The following TMC5 variants were observed in gnomAD, a reference collection of about 807,000 sequenced individuals.
TMC5 encodes the protein transmembrane channel-like protein 5.
Under a neutral mutation model 110.5 loss-of-function variants are expected in TMC5, and 86 were observed. That is an observed-to-expected ratio of 0.78 (90% confidence interval 0.65 to 0.93). The LOEUF (loss-of-function observed/expected upper bound fraction) is 0.93, where lower values mean the gene tolerates loss of function less well. Ranked by LOEUF, TMC5 falls within the 40% of genes least tolerant of loss-of-function variation. The pLI is 0.00. For missense variants in TMC5, 1,144 were observed against 1,222.8 expected (o/e 0.94, Z 0.96); for synonymous variants, 455 against 439.5 (o/e 1.04, Z -0.44).
intron 5 of TMC5, among the ~76,000 whole-genome samples, chr16:19,459,917 CAAAAAAAAAA>C (rs34853313): frequency 1.3e-4 from 12 of 95,678 alleles, no homozygotes; most frequent in South Asian, 4.0e-4. Flanking sequence ...GATCCTGTCT[CAAAAAAAAAA>C]AAAAAAAAAA....
In TMC5 at chr16:19,449,399, C is replaced by T; in HGVS notation, c.959-143C>T. ...CCTAGTTTCCACCCAAGTTCTTAAT[C>T]AGTAGTCTGTTAGAACCTCAAAGAC... On this transcript the variant is annotated intron_variant, in intron 4 of 21. Transcript: ENST00000542583. 6.0e-6 allele frequency: 4 copies of T among 670,428 alleles called. No homozygotes were observed. In the South Asian group the frequency reaches 7.9e-5, roughly 13 times the overall value. 41.5% of individuals were successfully genotyped at this position (670,428 alleles called of 1,614,324 possible).
intron 12 of TMC5, among the ~76,000 whole-genome samples, chr16:19,474,598 T>C (rs368433186): frequency 6.6e-6 from 1 of 152,070 alleles, no homozygotes; most frequent in South Asian, 2.1e-4. Context: ...GATCACTTGA[T>C]CCCAGGAGTT....
intron 5 of TMC5, among the ~76,000 whole-genome samples, chr16:19,457,565 C>G (rs763323610): frequency 2.6e-5 from 4 of 151,898 alleles, no homozygotes; most frequent in Non-Finnish European, 4.4e-5. Context: ...TGTTATCCAT[C>G]GAATTTTTAT....
At chr16:19,464,178 T>C (rs1190392104) in intron 8 of TMC5, among the ~76,000 whole-genome samples, 154 bp downstream of exon 8, 3 of 152,154 alleles carry the variant, frequency 2.0e-5, no homozygotes, top group East Asian at 3.9e-4. Flanking sequence ...CTGAGTGTGG[T>C]GACTCATGCC....
intron 15 of TMC5, among the ~76,000 whole-genome samples, chr16:19,484,344 G>A (rs1008304635): frequency 6.6e-6 from 1 of 152,156 alleles, no homozygotes; most frequent in Admixed American, 6.6e-5. Context: ...TGGCAATTTG[G>A]CAGTTTACAA....
chr16:19,445,149 A>G (rs1326517725), intron 4 of TMC5, among the ~76,000 whole-genome samples: 3 of 152,156 alleles, frequency 2.0e-5, no homozygotes, highest in Non-Finnish European at 4.4e-5. Flanking sequence ...AAAAAAGACT[A>G]AAGAAAGTTA....
rs144705987 is a variant in TMC5, at chr16:19,494,116, C to T, written c.2827-146C>T. ...ACTGTGAAATGTTTCTTTTCTTTCA[C>T]CAAAAGATGGCAGTAACCTCCATCC... On this transcript the variant is annotated intron_variant, in intron 19 of 21. Transcript: ENST00000542583. 5.6e-5 allele frequency: 36 copies of T among 646,428 alleles called. 1 individual carries two copies. Among genetic ancestry groups the T allele is most frequent in the African/African-American group, 5.4e-4 (30 of 55,078 alleles). The allele number at this position is 646,428 out of a possible 1,614,324, so 40.0% of individuals were successfully genotyped here.
At chr16:19,477,841 A>C (rs1204963498) in intron 13 of TMC5, among the ~76,000 whole-genome samples, 1 of 152,220 alleles carries the variant, frequency 6.6e-6, no homozygotes, top group Non-Finnish European at 1.5e-5. Flanking sequence ...AGTGCCCAGC[A>C]TATGCAATAG....
At chr16:19,458,871 T>C (rs1487312222) in intron 5 of TMC5, among the ~76,000 whole-genome samples, 1 of 152,180 alleles carries the variant, frequency 6.6e-6, no homozygotes, top group South Asian at 2.1e-4. Flanking sequence ...ATTCTAACCC[T>C]GTGCTGTGAC....
chr16:19,482,921 T>C (rs1968652910), intron 15 of TMC5, among the ~76,000 whole-genome samples: 1 of 152,132 alleles, frequency 6.6e-6, no homozygotes, highest in Non-Finnish European at 1.5e-5. Flanking sequence ...GCTCTGTTGC[T>C]GAGGCTGAAG....
chr16:19,435,692 C>T (rs1017127211), intron 2 of TMC5, among the ~76,000 whole-genome samples: 1 of 152,132 alleles, frequency 6.6e-6, no homozygotes, highest in Non-Finnish European at 1.5e-5. Flanking sequence ...CACCTCTTTC[C>T]TTCCTCAAGG....
rs58561457 is a variant in TMC5, at chr16:19,492,915, G to GATAGATAGATATATATATATATATAT, written c.2826+690_2826+691insGATAGATATATATATATATATATATA. 1.4e-4 allele frequency among the ~76,000 whole-genome samples: 6 copies of GATAGATAGATATATATATATATATAT among 42,752 alleles called. 1 individual carries two copies. Among genetic ancestry groups the GATAGATAGATATATATATATATATAT allele is most frequent in the African/African-American group, 3.2e-4 (6 of 18,604 alleles). 28.0% of individuals were successfully genotyped at this position (42,752 alleles called of 152,430 possible). ...ATTATTTTTTATTTATTAAAACTTA[G>GATAGATAGATATATATATATATATAT]ATATATATATATATATATCTCTCTA... On this transcript the variant is annotated intron_variant, in intron 19 of 21. Coordinates refer to ENST00000542583, the MANE Select transcript of TMC5 (RefSeq NM_001261841.2).
intron 2 of TMC5, among the ~76,000 whole-genome samples, chr16:19,438,433 A>AAGAGAAAGAAAGAAAGAAAGAAAGAAAG (rs1567302317): frequency 2.0e-5 from 1 of 50,600 alleles, no homozygotes; most frequent in Non-Finnish European, 3.9e-5. Context: ...AAAAGAAAGA[A>AAGAGAAAGAAAGAAAGAAAGAAAGAAAG]AGAGAAAGAA....
In TMC5 at chr16:19,490,449, C is replaced by A; in HGVS notation, c.2628C>A (p.His876Gln). 1 of 1,614,214 alleles carries A rather than the reference C, an allele frequency of 6.2e-7. No homozygotes were observed. The highest frequency in any genetic ancestry group is 8.5e-7 in the Non-Finnish European group (1 of 1,180,044). ...TTCGAGGTCTGCCTCTCTTCATTCA[C>A]TCCATCTACAGCTGGATCGACACCC... ...GPFRGLPLFI[H>Q]SIYSWIDTLS... The change falls in exon 18 of 22, where the codon CAC (histidine) becomes CAA (glutamine). Residue 876 changes from histidine to glutamine, a missense_variant. His to Gln is a conservative substitution (Grantham distance 24). Transcript: ENST00000542583.
At chr16:19,486,687 C>T (rs753655681) in intron 15 of TMC5, among the ~76,000 whole-genome samples, 16 of 152,086 alleles carry the variant, frequency 1.1e-4, no homozygotes, top group Non-Finnish European at 2.1e-4. Flanking sequence ...CTCCTAATCT[C>T]TTCTTTTAGG....
At chr16:19,413,093 C>T (rs79136791), upstream of TMC5, among the ~76,000 whole-genome samples, 351 of 152,290 alleles carry the variant, frequency 2.3e-3, 8 homozygotes, top group East Asian at 0.044. Context: ...ATCATCCTGC[C>T]TCAGCCTCCC....
At chr16:19,461,751 T>A (rs1968028517) in intron 6 of TMC5, among the ~76,000 whole-genome samples, 1 of 152,006 alleles carries the variant, frequency 6.6e-6, no homozygotes, top group Admixed American at 6.6e-5. Flanking sequence ...CAGAAAGTAG[T>A]AGAGTGGATG....
chr16:19,497,332 C>T (rs1221834679), intron 21 of TMC5, among the ~76,000 whole-genome samples, 169 bp downstream of exon 21: 1 of 152,234 alleles, frequency 6.6e-6, no homozygotes, highest in Non-Finnish European at 1.5e-5. Flanking sequence ...CCTTGCCTAA[C>T]GCAGGAACTC....
In TMC5 at chr16:19,498,039, C is replaced by A; in HGVS notation, c.*73C>A. 1.4e-6 allele frequency: 2 copies of A among 1,458,288 alleles called. No homozygotes were observed. Among genetic ancestry groups the A allele is most frequent in the Non-Finnish European group, 1.9e-6 (2 of 1,038,048 alleles). The allele number at this position is 1,458,288 out of a possible 1,614,324, so 90.3% of individuals were successfully genotyped here. A position where few individuals can be genotyped will look rare whatever the true frequency, so the allele number is the denominator to read the frequency against. ...AAATGGAATGATTTCTTCCATGCCA[C>A]CTGTGCCTTTAGGAACTGCCCAGAA... On this transcript the variant is annotated 3_prime_UTR_variant, in exon 22 of 22. Transcript: ENST00000542583.
Sources: allele counts gnomAD v4.1 joint callset (sites outside exome capture counted in the v4.1 genomes callset), GRCh38; gene constraint gnomAD v4.1.1; transcripts MANE v1.5; gene names NCBI Gene and HGNC (gene_info 2026-07-23, HGNC 2026-07-21).